The following PARP1 variants were observed in gnomAD, a reference collection of about 807,000 sequenced individuals.
The protein encoded by PARP1 is poly [ADP-ribose] polymerase 1.
In PARP1, 44 loss-of-function variants were observed where a neutral mutation model predicts 118.7. That is an observed-to-expected ratio of 0.37 (90% CI 0.29 to 0.48). The LOEUF (loss-of-function observed/expected upper bound fraction) is 0.48, where lower values mean the gene tolerates loss of function less well. Ranked by LOEUF, PARP1 falls within the 20% of genes least tolerant of loss-of-function variation. The pLI, the probability that PARP1 is intolerant of heterozygous loss-of-function variation, is 0.99. For missense variants in PARP1, 1,100 were observed against 1,272.4 expected, an observed-to-expected ratio of 0.86 and a Z score of 2.06; for synonymous variants, 492 against 483.2, an observed-to-expected ratio of 1.02 and a Z score of -0.24.
At chr1:226,393,065 A>G in intron 2 of PARP1, 24 of 1,232,118 alleles carry the variant, frequency 1.9e-5, no homozygotes, top group Non-Finnish European at 2.5e-5. Context: ...CTTGTAGATG[A>G]TTCTATTTGA....
chr1:226,398,682 G>A (rs1664971879), intron 2 of PARP1, among the ~76,000 whole-genome samples: 2 of 152,134 alleles, frequency 1.3e-5, no homozygotes, highest in South Asian at 2.1e-4. Context: ...ATATCTATTG[G>A]AATGGCCAAA....
At chr1:226,366,802 C>G (rs1377576881) in intron 17 of PARP1, 1 of 160,062 alleles carries the variant, frequency 6.2e-6, no homozygotes, top group Non-Finnish European at 1.4e-5. Context: ...AAGGCTCTTT[C>G]TTTAGCGATG....
intron 2 of PARP1, among the ~76,000 whole-genome samples, chr1:226,394,767 G>T (rs1218261105): frequency 6.6e-5 from 10 of 151,802 alleles, no homozygotes; most frequent in Non-Finnish European, 1.5e-4. Flanking sequence ...AGAGCAAGAT[G>T]TTGTCTTGAA....
chr1:226,388,623 A>C, intron 5 of PARP1, 33 bp downstream of exon 5: 1 of 1,361,124 alleles, frequency 7.3e-7, no homozygotes, highest in Non-Finnish European at 1.1e-6. Context: ...AGACAGCAGA[A>C]TGTCGAAAGG....
intron 4 of PARP1, 36 bp downstream of exon 4, chr1:226,390,374 T>TG (rs1345159790): frequency 1.3e-6 from 2 of 1,595,174 alleles, no homozygotes; most frequent in African/African-American, 2.7e-5. Flanking sequence ...AACCCCTCAC[T>TG]GAACCCCCAG....
At position 226,361,014 on chromosome 1, in the gene PARP1, T is replaced by C. The variant is rs1664124436; in HGVS notation, c.*446A>G. The C allele has an allele frequency of 4.2e-6, 1 of 235,398 alleles. No individual in the cohort carries two copies. Among genetic ancestry groups the C allele is most frequent in the Admixed American group, 5.0e-5 (1 of 19,854 alleles). The allele number at this position is 235,398 out of a possible 1,614,324, so 14.6% of individuals were successfully genotyped here. ...AAAGAAAATCTAAATAGTATGAAATTAGTTTTTATTTTTAACTAAAAATAA... is the reference window on the plus strand; with the variant it reads ...AAAGAAAATCTAAATAGTATGAAATCAGTTTTTATTTTTAACTAAAAATAA... On this transcript the variant is annotated 3_prime_UTR_variant, in exon 23 of 23. Coordinates refer to ENST00000366794, the MANE Select transcript of PARP1 (RefSeq NM_001618.4).
chr1:226,394,563 A>G (rs972138720), intron 2 of PARP1, among the ~76,000 whole-genome samples: 30 of 152,252 alleles, frequency 2.0e-4, no homozygotes, highest in Non-Finnish European at 1.3e-4. Context: ...TGGGATGTAC[A>G]AGAAGTTTGC....
chr1:226,390,485 A>C lies in PARP1; in HGVS notation c.542T>G (p.Leu181Arg). 1 of 1,614,130 alleles carries C rather than the reference A, an allele frequency of 6.2e-7. No homozygotes were observed. The change falls in exon 4 of 23, where the codon CTC (leucine) becomes CGC (arginine). Residue 181 changes from leucine (L) to arginine (R), a missense_variant. Around this residue, in one of 2 missense-constraint regions of PARP1, gnomAD observed 948 missense variants for 1,031.8 expected, o/e 0.92. Transcript: ENST00000366794. ...GFRPEYSASQLKGFSLLATED... is the reference protein window; with the variant it reads ...GFRPEYSASQRKGFSLLATED... Reference sequence around the variant, plus strand: ...TGTAGCAAGGAGGCTGAAGCCCTTGAGCTGACTCGCACTGTACTCGGGCCG... The same window carrying C: ...TGTAGCAAGGAGGCTGAAGCCCTTGCGCTGACTCGCACTGTACTCGGGCCG...
In PARP1 at chr1:226,379,183, G is replaced by A; in HGVS notation, c.1704C>T (p.Ser568=). ...GLVDIVKGTN[S]YYKLQLLEDD... is the part of the protein sequence containing the mutation. ...CCTCCAGAAGCTGCAGCTTGTAGTAGGAGTTGGTTCCTTTAACGATGTCCA... is the reference window on the plus strand; with the variant it reads ...CCTCCAGAAGCTGCAGCTTGTAGTAAGAGTTGGTTCCTTTAACGATGTCCA... The change falls in exon 12 of 23, where the codon TCC becomes TCT. Residue 568 remains serine, a synonymous_variant. Transcript: ENST00000366794. 2 of 1,614,220 alleles carry A rather than the reference G, an allele frequency of 1.2e-6. No individual in the cohort carries two copies. The highest frequency in any genetic ancestry group is 1.7e-6 in the Non-Finnish European group (2 of 1,180,032).
intron 14 of PARP1, among the ~76,000 whole-genome samples, chr1:226,373,275 T>G (rs78797064): frequency 0.014 from 2,058 of 152,332 alleles, 26 homozygotes; most frequent in Middle Eastern, 0.031. Flanking sequence ...TGCTTAAGGC[T>G]GATCTGAGAC....
At position 226,361,242 on chromosome 1, in the gene PARP1, A is replaced by G; in HGVS notation, c.*218T>C. 1 of 604,084 alleles carries G rather than the reference A, an allele frequency of 1.7e-6. No individual in the cohort carries two copies. Among genetic ancestry groups the G allele is most frequent in the Non-Finnish European group, 3.0e-6 (1 of 337,178 alleles). 37.4% of individuals were successfully genotyped at this position (604,084 alleles called of 1,614,324 possible). A position where few individuals can be genotyped will look rare whatever the true frequency, so the allele number is the denominator to read the frequency against. ...TTATCTACCTGGCAAGAAAAAACAA[A>G]AACAACCCCAAAACAACCCCTCCCC... On this transcript the variant is annotated 3_prime_UTR_variant, in exon 23 of 23. Coordinates refer to ENST00000366794, the MANE Select transcript of PARP1 (RefSeq NM_001618.4).
chr1:226,392,362 G>C (rs1445875312), intron 2 of PARP1, 48 bp from the exon 3 acceptor site: 1 of 1,359,270 alleles, frequency 7.4e-7, no homozygotes, highest in South Asian at 1.2e-5. Flanking sequence ...GCCCCAAAAT[G>C]CAGCTCAGAG....
chr1:226,391,657 G>T (rs1222463038), intron 3 of PARP1, among the ~76,000 whole-genome samples: 1 of 152,212 alleles, frequency 6.6e-6, no homozygotes, highest in South Asian at 2.1e-4. Flanking sequence ...GGGAGGCAGA[G>T]ACTTTCAATT....
At chr1:226,367,191 A>G (rs943169356) in intron 17 of PARP1, 11 of 458,836 alleles carry the variant, frequency 2.4e-5, no homozygotes, top group African/African-American at 2.0e-4. Flanking sequence ...AACAAACAAA[A>G]AAGAACTTTT....
intron 4 of PARP1, among the ~76,000 whole-genome samples, chr1:226,390,126 C>T (rs1473120368): frequency 6.6e-6 from 1 of 152,090 alleles, no homozygotes; most frequent in African/African-American, 2.4e-5. Flanking sequence ...GTGTAGTTAG[C>T]CTGTCCATGG....
chr1:226,365,169 A>C lies in PARP1; in HGVS notation c.2506-15T>G. ...ATCTTAAAGATCTGGTTGGAGTAGT[A>C]AACAAAGGGAAGGACAAAAGAAGCC... On this transcript the variant is annotated splice_polypyrimidine_tract_variant and intron_variant, in intron 18 of 22. Transcript: ENST00000366794. 6.2e-7 allele frequency: 1 copy of C among 1,614,028 alleles called. No homozygotes were observed.
chr1:226,377,914 A>C (rs1019436249), intron 12 of PARP1, among the ~76,000 whole-genome samples: 3 of 151,728 alleles, frequency 2.0e-5, no homozygotes, highest in Non-Finnish European at 4.4e-5. Flanking sequence ...TTGTCATTTC[A>C]TAATAAATAT....
chr1:226,407,718 C>G, intron 1 of PARP1, 92 bp downstream of exon 1: 9 of 1,337,268 alleles, frequency 6.7e-6, no homozygotes, highest in Non-Finnish European at 5.0e-6. Context: ...CGGGCCCGCT[C>G]GCTCCCTGGG....
intron 2 of PARP1, among the ~76,000 whole-genome samples, chr1:226,400,105 A>G (rs1665000806): frequency 6.6e-6 from 1 of 152,222 alleles, no homozygotes; most frequent in South Asian, 2.1e-4. Context: ...TGCATGATAC[A>G]AGACACCTCT....
Sources: allele counts gnomAD v4.1 joint callset (sites outside exome capture counted in the v4.1 genomes callset), GRCh38; gene constraint gnomAD v4.1.1; regional missense constraint gnomAD v4.1.1; transcripts MANE v1.5; gene names NCBI Gene and HGNC (gene_info 2026-07-23, HGNC 2026-07-21).